The following ZNF714 variants were observed in gnomAD, a reference collection of about 807,000 sequenced individuals.
ZNF714 encodes the protein zinc finger protein 714.
Under a neutral mutation model 46.2 loss-of-function variants are expected in ZNF714, and 32 were observed. That is an observed-to-expected ratio of 0.69 (90% CI 0.52 to 0.93). The LOEUF (loss-of-function observed/expected upper bound fraction) is 0.93, where lower values mean the gene tolerates loss of function less well. Among genes scored for constraint, ZNF714 ranks in the 40% least tolerant of loss-of-function variants. ZNF714 has a pLI of 0.00. For missense variants in ZNF714, 635 were observed against 646.3 expected, an observed-to-expected ratio of 0.98 and a Z score of 0.19; for synonymous variants, 199 against 213.1, an observed-to-expected ratio of 0.93 and a Z score of 0.58.
At chr19:21,099,980 C>G (rs915132628) in intron 4 of ZNF714, among the ~76,000 whole-genome samples, 20 of 152,046 alleles carry the variant, frequency 1.3e-4, no homozygotes, top group African/African-American at 4.8e-4. Flanking sequence ...CTCAGCCTCC[C>G]TAATAGCTGG....
intron 4 of ZNF714, among the ~76,000 whole-genome samples, chr19:21,114,313 G>A (rs1969535613): frequency 6.6e-6 from 1 of 151,620 alleles, no homozygotes; most frequent in South Asian, 2.1e-4. Context: ...GCGGGTGCCT[G>A]TAGTCCCAGC....
chr19:21,118,016 A>C lies in ZNF714; in HGVS notation c.1352A>C (p.Lys451Thr). The change falls in exon 5 of 5, where the codon AAA becomes ACA. Residue 451 changes from lysine (K) to threonine (T), a missense_variant. Coordinates refer to ENST00000456283, the MANE Select transcript of ZNF714 (RefSeq NM_182515.4). Reference sequence around the variant, plus strand: ...CATAAGAGAATTCACACTGGAGAGAAACCCTACAAATGTGAAGAATGTGGC... The same window carrying C: ...CATAAGAGAATTCACACTGGAGAGACACCCTACAAATGTGAAGAATGTGGC... ...TTHKRIHTGE[K>T]PYKCEECGKA... is the part of the protein sequence containing the mutation. 6.2e-7 allele frequency: 1 copy of C among 1,613,882 alleles called. No individual in the cohort carries two copies. The highest frequency in any genetic ancestry group is 8.5e-7 in the Non-Finnish European group (1 of 1,180,020).
At chr19:21,087,295 A>G (rs1456336276) in intron 2 of ZNF714, among the ~76,000 whole-genome samples, 2 of 151,314 alleles carry the variant, frequency 1.3e-5, no homozygotes, top group Admixed American at 6.6e-5. Context: ...AAATAATTTT[A>G]TGTAACAATT....
intron 2 of ZNF714, chr19:21,091,819 T>C (rs753218179): frequency 1.3e-5 from 2 of 152,162 alleles, no homozygotes; most frequent in Admixed American, 6.5e-5. Context: ...TGAGGAAGTT[T>C]GTAGGAGTCC....
At chr19:21,094,969 G>A (rs778699529) in intron 2 of ZNF714, among the ~76,000 whole-genome samples, 2 of 151,990 alleles carry the variant, frequency 1.3e-5, no homozygotes, top group Non-Finnish European at 2.9e-5. Flanking sequence ...AAAAGCATCT[G>A]TTCATGTTTT....
chr19:21,109,758 GCA>G (rs1156574718), intron 4 of ZNF714: 52 of 147,054 alleles, frequency 3.5e-4, no homozygotes, highest in African/African-American at 1.2e-3. Context: ...TCCCTCCCCT[GCA>G]ACAGGCCCCA....
chr19:21,085,178 A>G (rs941539446), intron 2 of ZNF714, among the ~76,000 whole-genome samples: 1 of 152,212 alleles, frequency 6.6e-6, no homozygotes, highest in Non-Finnish European at 1.5e-5. Flanking sequence ...TAGAAAATGA[A>G]TACATGTCCA....
intron 2 of ZNF714, among the ~76,000 whole-genome samples, chr19:21,087,379 A>G (rs60854160): frequency 0.01 from 1,583 of 152,276 alleles, 23 homozygotes; most frequent in African/African-American, 0.036. Flanking sequence ...CATACCAATA[A>G]CATATTTACA....
At position 21,120,828 on chromosome 19, in the gene ZNF714, A is replaced by C. The variant is rs541546341; in HGVS notation, c.*2496A>C. ...TAAAGAATATTGTTTCTGTAGGTTAAATTTTTATTTTGTTTTTAATCATTT... is the reference window on the plus strand; with the variant it reads ...TAAAGAATATTGTTTCTGTAGGTTACATTTTTATTTTGTTTTTAATCATTT... On this transcript the variant is annotated 3_prime_UTR_variant, in exon 5 of 5. Transcript: ENST00000456283. The C allele has an allele frequency of 1.6e-3, 250 of 152,204 alleles. 2 individuals are homozygous for C. Among genetic ancestry groups the C allele is most frequent in the African/African-American group, 5.7e-3 (237 of 41,536 alleles). 9.4% of individuals were successfully genotyped at this position (152,204 alleles called of 1,614,324 possible).
At chr19:21,096,852 A>ATTTG in intron 2 of ZNF714, among the ~76,000 whole-genome samples, 1 of 138,258 alleles carries the variant, frequency 7.2e-6, no homozygotes, top group East Asian at 2.0e-4. Flanking sequence ...ACAGGATGGC[A>ATTTG]TTTATTTATT....
chr19:21,113,243 C>G (rs1337417990), intron 4 of ZNF714: 2 of 152,068 alleles, frequency 1.3e-5, no homozygotes, highest in African/African-American at 4.8e-5. Context: ...GGATGCCAGC[C>G]TCTGATTTAA....
intron 4 of ZNF714, among the ~76,000 whole-genome samples, chr19:21,106,059 G>A (rs994220108): frequency 1.3e-5 from 2 of 151,204 alleles, no homozygotes; most frequent in Non-Finnish European, 2.9e-5. Context: ...TGAGACCAGC[G>A]TGGCCAACAT....
At chr19:21,100,271 C>T (rs1226960569) in intron 4 of ZNF714, among the ~76,000 whole-genome samples, 1 of 151,998 alleles carries the variant, frequency 6.6e-6, no homozygotes, top group African/African-American at 2.4e-5. Context: ...CACCTGTAAT[C>T]CCAGCTCTTT....
intron 2 of ZNF714, among the ~76,000 whole-genome samples, chr19:21,090,027 C>T (rs1968873634): frequency 6.6e-6 from 1 of 152,220 alleles, no homozygotes; most frequent in African/African-American, 2.4e-5. Flanking sequence ...TCTATTCTGG[C>T]CATAGCAAAA....
In ZNF714 at chr19:21,121,678, A is replaced by G. The variant is rs185194198; in HGVS notation, c.*3346A>G. 4.0e-4 allele frequency: 61 copies of G among 152,314 alleles called. No individual in the cohort carries two copies. Among genetic ancestry groups the G allele is most frequent in the African/African-American group, 1.4e-3 (59 of 41,584 alleles). The allele number at this position is 152,314 out of a possible 1,614,324, so 9.4% of individuals were successfully genotyped here. On this transcript the variant is annotated 3_prime_UTR_variant, in exon 5 of 5. Coordinates refer to ENST00000456283, the MANE Select transcript of ZNF714 (RefSeq NM_182515.4). ...CAATATGGGAATAAAAATCATTTTA[A>G]TAAGGTGGCTACTATAAAACTAAAA...
Position 21,118,203 on chromosome 19 carries a change from C to T in ZNF714, c.1539C>T (p.Pro513=), listed in dbSNP as rs1294427790. 6.2e-7 allele frequency: 1 copy of T among 1,603,412 alleles called. No individual in the cohort carries two copies. Among genetic ancestry groups the T allele is most frequent in the Non-Finnish European group, 8.5e-7 (1 of 1,174,284 alleles). Residue 513 remains proline, a synonymous_variant, in exon 5 of 5, where the codon CCC becomes CCT. Transcript: ENST00000456283. ...QQGMVAHACN[P]NTLRGLGEQI... ...GCATGGTGGCTCATGCCTGTAATCC[C>T]AACACTTTGAGAGGACTAGGTGAGC...
chr19:21,105,870 G>C (rs1969298587), intron 4 of ZNF714, among the ~76,000 whole-genome samples: 1 of 151,762 alleles, frequency 6.6e-6, no homozygotes, highest in Admixed American at 6.6e-5. Context: ...CAGGAGAATT[G>C]TTTGAACCCG....
intron 4 of ZNF714, among the ~76,000 whole-genome samples, chr19:21,112,219 T>C (rs987696052): frequency 1.3e-5 from 2 of 152,182 alleles, no homozygotes; most frequent in Non-Finnish European, 2.9e-5. Flanking sequence ...GGCCCTGGAC[T>C]TTTTATGGTT....
At position 21,117,305 on chromosome 19, in the gene ZNF714, C is replaced by T; in HGVS notation, c.641C>T (p.Ser214Leu). The T allele has an allele frequency of 1.2e-6, 2 of 1,612,316 alleles. No individual in the cohort carries two copies. Among genetic ancestry groups the T allele is most frequent in the Non-Finnish European group, 1.7e-6 (2 of 1,178,642 alleles). ...TGTGGCAAAGCTTTTAAGCACTCCT[C>T]AACCCTTACTACACATAAGATGATT... ...EECGKAFKHS[S>L]TLTTHKMIHT... Residue 214 changes from serine (S) to leucine (L), a missense_variant, in exon 5 of 5, where the codon TCA (serine) becomes TTA (leucine). Physicochemically the swap from Ser to Leu is moderately radical, Grantham distance 145 (BLOSUM62 -2). Transcript: ENST00000456283.
Sources: gnomAD v4.1 joint callset for allele counts (sites outside exome capture counted in the v4.1 genomes callset) on GRCh38, gnomAD v4.1.1 for gene constraint, MANE v1.5 for transcripts, NCBI Gene and HGNC (gene_info 2026-07-23, HGNC 2026-07-21) for gene names.